CFAP74: variants seen among roughly 807,000 people sequenced by gnomAD.
CFAP74 encodes the protein cilia and flagella associated protein 74.
A neutral mutation model predicts 188.9 loss-of-function variants in CFAP74; 124 were observed. That is an observed-to-expected ratio of 0.66 (90% CI 0.57 to 0.76). CFAP74 has a LOEUF of 0.76. Among genes scored for constraint, CFAP74 ranks in the 30% least tolerant of loss-of-function variants. The probability of loss-of-function intolerance (pLI) is 0.00; values close to 1 mark genes in which losing one functional copy is unlikely to be tolerated. For missense variants in CFAP74, 2,198 were observed against 2,165.2 expected (o/e 1.02, Z -0.30); for synonymous variants, 956 against 916.7 (o/e 1.04, Z -0.77).
At chr1:1,991,884 G>GA (rs1465783610) in intron 1 of CFAP74, among the ~76,000 whole-genome samples, 2 of 151,234 alleles carry the variant, frequency 1.3e-5, no homozygotes, top group African/African-American at 4.9e-5. Context: ...CTAAAAAACA[G>GA]AAAAAATTAG....
rs370836651 is a variant in CFAP74, at chr1:1,956,714, G to C, written c.1922C>G (p.Thr641Arg). 1.2e-6 allele frequency: 2 copies of C among 1,613,860 alleles called. No homozygotes were observed. The highest frequency in any genetic ancestry group is 2.7e-5 in the African/African-American group (2 of 74,934). ...VVGETTSRTI[T>R]LTNVGGLGTT... Reference sequence around the variant, plus strand: ...GCCCAAGCCCCCAACGTTGGTCAGCGTGATGGTCCGAGACGTGGTCTCTCC... The same window carrying C: ...GCCCAAGCCCCCAACGTTGGTCAGCCTGATGGTCCGAGACGTGGTCTCTCC... Residue 641 changes from threonine to arginine, a missense_variant, in exon 17 of 39, where the codon ACG becomes AGG. Physicochemically the swap from Thr to Arg is moderately conservative, Grantham distance 71 (BLOSUM62 -1). Transcript: ENST00000682832.
chr1:1,966,153 G>A (rs1332141996), intron 12 of CFAP74, among the ~76,000 whole-genome samples: 1 of 152,238 alleles, frequency 6.6e-6, no homozygotes, highest in Non-Finnish European at 1.5e-5. Flanking sequence ...CGTCGAGCAC[G>A]CGTGGTGCCC....
intron 6 of CFAP74, among the ~76,000 whole-genome samples, chr1:1,976,045 T>C (rs542949810): frequency 6.6e-6 from 1 of 152,314 alleles, no homozygotes; most frequent in Admixed American, 6.5e-5. Context: ...TGAAAGCCTG[T>C]TCCTCAAAGG....
chr1:1,956,845 T>C (rs1452589629), intron 16 of CFAP74, 61 bp from the exon 17 acceptor site: 27 of 1,565,284 alleles, frequency 1.7e-5, no homozygotes, highest in Non-Finnish European at 2.3e-5. Context: ...GTGCCCAGCG[T>C]GAGGCCTGCA....
At chr1:1,983,177 A>G (rs1408995930) in intron 6 of CFAP74, among the ~76,000 whole-genome samples, 1 of 152,172 alleles carries the variant, frequency 6.6e-6, no homozygotes, top group East Asian at 1.9e-4. Context: ...GCCAACTAAT[A>G]GGAAGGGATG....
At chr1:1,952,360 AAAAAG>A (rs1378541421) in intron 18 of CFAP74, among the ~76,000 whole-genome samples, 2 of 152,006 alleles carry the variant, frequency 1.3e-5, no homozygotes, top group African/African-American at 4.8e-5. Flanking sequence ...ATTAAAAAAA[AAAAAG>A]AAAAGAAACA....
intron 1 of CFAP74, among the ~76,000 whole-genome samples, chr1:1,993,374 T>C (rs1371677527): frequency 6.6e-6 from 1 of 151,542 alleles, no homozygotes; most frequent in Non-Finnish European, 1.5e-5. Context: ...AGCCTCCAAC[T>C]CCTGGGCTCA....
intron 20 of CFAP74, among the ~76,000 whole-genome samples, chr1:1,945,039 G>C (rs1187092767): frequency 6.6e-6 from 1 of 152,208 alleles, no homozygotes; most frequent in Non-Finnish European, 1.5e-5. Context: ...CGAGCACAGT[G>C]GTTCACACTT....
intron 22 of CFAP74, among the ~76,000 whole-genome samples, chr1:1,941,280 C>T (rs1162898106): frequency 1.3e-5 from 2 of 152,222 alleles, no homozygotes; most frequent in Non-Finnish European, 1.5e-5. Flanking sequence ...GTGCCTGCTG[C>T]GCCCACCTCC....
chr1:1,939,698 C>T lies in CFAP74; in HGVS notation c.2773G>A (p.Val925Met), dbSNP rs1460234681. ...TAGATGGTGCAGTAGCCAAAATCCA[C>T]CTCCGAGGGACTGAGCTCCAGGTCC... ...TSDLELSPSE[V>M]DFGYCTIYEA... is the part of the protein sequence containing the mutation. The change falls in exon 24 of 39, where the codon GTG (valine) becomes ATG (methionine). Residue 925 changes from valine to methionine, a missense_variant. Transcript: ENST00000682832. 2.0e-6 allele frequency: 3 copies of T among 1,535,994 alleles called. No homozygotes were observed. The highest frequency in any genetic ancestry group is 3.9e-5 in the Admixed American group (2 of 50,984).
At chr1:1,936,063 C>A (rs1468445329) in intron 25 of CFAP74, among the ~76,000 whole-genome samples, 2 of 151,150 alleles carry the variant, frequency 1.3e-5, no homozygotes, top group Non-Finnish European at 2.9e-5. Flanking sequence ...ACTAAAAATA[C>A]AAAATTATCT....
Position 1,922,201 on chromosome 1 carries a change from G to T in CFAP74, c.*86C>A. 1.0e-6 allele frequency: 1 copy of T among 997,612 alleles called. No homozygotes were observed. The highest frequency in any genetic ancestry group is 1.5e-6 in the Non-Finnish European group (1 of 655,210). 61.8% of individuals were successfully genotyped at this position (997,612 alleles called of 1,614,324 possible). A position where few individuals can be genotyped will look rare whatever the true frequency, so the allele number is the denominator to read the frequency against. On this transcript the variant is annotated 3_prime_UTR_variant, in exon 39 of 39. Transcript: ENST00000682832. ...TCTGGCAGAGGATGGCCAGGTCCCA[G>T]GCTCTAGGGTAGTATGACCTGGCCC...
chr1:1,952,046 G>A (rs1372883858), intron 18 of CFAP74, among the ~76,000 whole-genome samples: 2 of 152,148 alleles, frequency 1.3e-5, no homozygotes, highest in East Asian at 1.9e-4. Flanking sequence ...CCACCTCCCC[G>A]CTTCAAGAGA....
At position 1,923,631 on chromosome 1, in the gene CFAP74, TTC is replaced by T; in HGVS notation, c.4390-134_4390-133del. The T allele has an allele frequency of 1.3e-6, 2 of 1,519,380 alleles. No individual in the cohort carries two copies. Among genetic ancestry groups the T allele is most frequent in the Non-Finnish European group, 1.8e-6 (2 of 1,118,992 alleles). 94.1% of individuals were successfully genotyped at this position (1,519,380 alleles called of 1,614,324 possible). The stretch of plus-strand genomic sequence containing the variant: ...CCCGTGGGGCCCTGGACTCTGGTCT[TTC>T]CACTGACGGCCCTCAGTGTGGTGCT... On this transcript the variant is annotated intron_variant, in intron 35 of 38. Transcript: ENST00000682832. The surrounding 1 kb of genome is among the most constrained non-coding windows in gnomAD (Gnocchi z 6.3).
At chr1:1,993,590 G>A (rs1383100568) in intron 1 of CFAP74, among the ~76,000 whole-genome samples, 2 of 151,596 alleles carry the variant, frequency 1.3e-5, no homozygotes, top group Admixed American at 6.6e-5. Flanking sequence ...CCGGCCGGTG[G>A]CTGTTTTCTA....
intron 9 of CFAP74, 87 bp downstream of exon 9, chr1:1,971,893 C>A: frequency 9.6e-7 from 1 of 1,045,716 alleles, no homozygotes; most frequent in Non-Finnish European, 1.5e-6. Flanking sequence ...CCAGAGGACA[C>A]GGGCCTGGCT....
At position 1,988,492 on chromosome 1, in the gene CFAP74, C is replaced by CCCTTGATG. The variant is rs1558062588; in HGVS notation, c.296+19_296+20insCATCAAGG. The CCCTTGATG allele has an allele frequency of 6.2e-7, 1 of 1,607,614 alleles. No individual in the cohort carries two copies. The highest frequency in any genetic ancestry group is 1.3e-5 in the African/African-American group (1 of 74,860). ...GGGGCATCAAGAGGTGCAGGTGCAG[C>CCCTTGATG]GGCCTCAGCCCCAGCTCACCTCATC... is the stretch of plus-strand genomic sequence containing the variant. On this transcript the variant is annotated intron_variant, in intron 4 of 38. Transcript: ENST00000682832.
In CFAP74 at chr1:1,924,451, G is replaced by C; in HGVS notation, c.4174C>G (p.Arg1392Gly). 1 of 1,571,538 alleles carries C rather than the reference G, an allele frequency of 6.4e-7. No individual in the cohort carries two copies. Among genetic ancestry groups the C allele is most frequent in the Non-Finnish European group, 8.6e-7 (1 of 1,166,048 alleles). ...HLDSLSSTRGRGQQQLPQFLS... is the reference protein window; with the variant it reads ...HLDSLSSTRGGGQQQLPQFLS... Reference sequence around the variant, plus strand: ...AACTGCGGCAGCTGCTGCTGGCCCCGGCCCCGGGTGCTGGAGAGGCTGTCC... The same window carrying C: ...AACTGCGGCAGCTGCTGCTGGCCCCCGCCCCGGGTGCTGGAGAGGCTGTCC... Residue 1392 changes from arginine (R) to glycine (G), a missense_variant, in exon 34 of 39, where the codon CGG becomes GGG. Arg to Gly is a moderately radical substitution (Grantham distance 125). Coordinates refer to ENST00000682832, the MANE Select transcript of CFAP74 (RefSeq NM_001304360.2).
chr1:1,963,906 A>G, intron 13 of CFAP74, 39 bp from the exon 14 acceptor site: 3 of 1,369,784 alleles, frequency 2.2e-6, no homozygotes, highest in African/African-American at 1.4e-5. Context: ...AGCGGGTCAC[A>G]GGGGGCTGTG....
Sources: allele counts gnomAD v4.1 joint callset (sites outside exome capture counted in the v4.1 genomes callset), GRCh38; gene constraint gnomAD v4.1.1; non-coding constraint Gnocchi (gnomAD v3.1); transcripts MANE v1.5; gene names NCBI Gene and HGNC (gene_info 2026-07-23, HGNC 2026-07-21).